ECT2: variants seen among roughly 807,000 people sequenced by gnomAD.
The protein encoded by ECT2 is epithelial cell transforming 2.
In ECT2, 61 loss-of-function variants were observed where a neutral mutation model predicts 116.9. The observed-to-expected ratio is 0.52, with a 90% CI of 0.42 to 0.65. The LOEUF (loss-of-function observed/expected upper bound fraction) is 0.65, where lower values mean the gene tolerates loss of function less well. Ranked by LOEUF, ECT2 falls within the 30% of genes least tolerant of loss-of-function variation. ECT2 has a pLI of 0.00. For synonymous variants in ECT2, 358 were observed against 346.4 expected (o/e 1.03, Z -0.37); for missense variants, 937 against 1,078.7 (o/e 0.87, Z 1.84).
chr3:172,814,293 A>C (rs748826048), intron 22 of ECT2, among the ~76,000 whole-genome samples: 6 of 152,032 alleles, frequency 3.9e-5, no homozygotes, highest in Non-Finnish European at 7.4e-5. Flanking sequence ...TTTCATTTCA[A>C]AGTACTTCTA....
chr3:172,804,492 G>A (rs1727316209), intron 20 of ECT2, among the ~76,000 whole-genome samples: 1 of 152,132 alleles, frequency 6.6e-6, no homozygotes, highest in Non-Finnish European at 1.5e-5. Context: ...AGCCTGCCCT[G>A]ATTGAGAACA....
intron 15 of ECT2, among the ~76,000 whole-genome samples, chr3:172,782,651 T>A (rs753115535): frequency 7.9e-5 from 12 of 152,222 alleles, no homozygotes; most frequent in Non-Finnish European, 1.6e-4. Flanking sequence ...TTAAGCCTGG[T>A]ACCTATTAGT....
intron 9 of ECT2, 64 bp from the exon 10 acceptor site, chr3:172,762,627 T>TA: frequency 6.3e-7 from 1 of 1,579,314 alleles, no homozygotes; most frequent in Non-Finnish European, 8.6e-7. Context: ...ATATACCTCT[T>TA]AAAAAATTTG....
At chr3:172,824,455 G>A (rs536720378), downstream of ECT2, among the ~76,000 whole-genome samples, 1 of 152,252 alleles carries the variant, frequency 6.6e-6, no homozygotes, top group South Asian at 2.1e-4. Flanking sequence ...TATGAGAACA[G>A]CACCAGGGGG....
intron 18 of ECT2, among the ~76,000 whole-genome samples, chr3:172,789,177 G>T (rs1386600758): frequency 6.6e-6 from 1 of 151,474 alleles, no homozygotes; most frequent in African/African-American, 2.4e-5. Context: ...GTTGCTGAAG[G>T]CTGGGATGGC....
At chr3:172,769,295 G>C in intron 13 of ECT2, 152 bp downstream of exon 13, 1 of 709,680 alleles carries the variant, frequency 1.4e-6, no homozygotes, top group South Asian at 2.3e-5. Flanking sequence ...ACTGCTGTTA[G>C]GGAAATGTCA....
chr3:172,784,316 G>A (rs955947129), intron 16 of ECT2, among the ~76,000 whole-genome samples: 4 of 151,952 alleles, frequency 2.6e-5, no homozygotes, highest in Non-Finnish European at 4.4e-5. Flanking sequence ...ATGTATTTTA[G>A]TTCTCAAAAC....
intron 23 of ECT2, 34 bp from the exon 24 acceptor site, chr3:172,816,657 G>C: frequency 6.5e-7 from 1 of 1,542,482 alleles, no homozygotes; most frequent in Non-Finnish European, 8.8e-7. Context: ...TATTGAATTT[G>C]TCTAGGTTTA....
downstream of ECT2, among the ~76,000 whole-genome samples, chr3:172,825,185 TG>T (rs1007840808): frequency 6.6e-5 from 10 of 152,152 alleles, no homozygotes; most frequent in African/African-American, 2.4e-4. Context: ...GTAATTGTTC[TG>T]GGGCACCACA....
chr3:172,786,583 A>G lies in ECT2; in HGVS notation c.1907+9A>G, dbSNP rs867842769. 1.9e-6 allele frequency: 3 copies of G among 1,562,908 alleles called. No homozygotes were observed. In the Middle Eastern group the frequency reaches 5.1e-4, roughly 264 times the overall value. On this transcript the variant is annotated intron_variant, in intron 18 of 24. Transcript: ENST00000392692. The stretch of plus-strand genomic sequence containing the variant: ...CTGAAGGAAGTAATGACGTAAGTGC[A>G]TTATTTTCAATTTTTGATTGTGCCT...
chr3:172,818,193 C>A (rs751914514), intron 24 of ECT2: 17 of 152,914 alleles, frequency 1.1e-4, no homozygotes, highest in Non-Finnish European at 2.2e-4. Context: ...ATGGCTAAAT[C>A]TATTAGTGTA....
At position 172,752,501 on chromosome 3, in the gene ECT2, T is replaced by C. The variant is rs1199007802; in HGVS notation, c.-23+1644T>C. On this transcript the variant is annotated intron_variant, in intron 1 of 24. Transcript: ENST00000392692. ...AGCTCATCTCCTGACTTTTTTTTTT[T>C]TTTAAACATTCTTTTAAGGGGACTT... The C allele has an allele frequency of 2.0e-5, 3 of 152,132 alleles. No homozygotes were observed. The East Asian group carries it at 5.8e-4, about 29-fold the overall frequency. The allele number at this position is 152,132 out of a possible 1,614,324, so 9.4% of individuals were successfully genotyped here.
intron 12 of ECT2, among the ~76,000 whole-genome samples, chr3:172,765,175 G>C (rs1028552817): frequency 1.3e-5 from 2 of 152,100 alleles, no homozygotes; most frequent in Non-Finnish European, 2.9e-5. Context: ...CAACTGATCT[G>C]CAGTCCTTGT....
intron 13 of ECT2, among the ~76,000 whole-genome samples, chr3:172,773,089 T>G (rs1273677182): frequency 6.6e-6 from 1 of 152,178 alleles, no homozygotes; most frequent in Non-Finnish European, 1.5e-5. Context: ...GCCCTGGAAC[T>G]TTGATTGGCA....
In ECT2 at chr3:172,756,992, G is replaced by A. The variant is rs912345208; in HGVS notation, c.313G>A (p.Val105Met). Residue 105 changes from valine to methionine, a missense_variant, in exon 5 of 25, where the codon GTG becomes ATG. Physicochemically the swap from Val to Met is conservative, Grantham distance 21 (BLOSUM62 1). Transcript: ENST00000392692. ...ACTATATGATGAAAAGGACATTAAAGTGGGCTTTGTAAAGATGGAGTCAGT... is the reference window on the plus strand; with the variant it reads ...ACTATATGATGAAAAGGACATTAAAATGGGCTTTGTAAAGATGGAGTCAGT... ...IKSVINMDIK[V>M]GFVKMESVEE... 1 of 1,602,994 alleles carries A rather than the reference G, an allele frequency of 6.2e-7. No individual in the cohort carries two copies. The highest frequency in any genetic ancestry group is 1.3e-5 in the African/African-American group (1 of 74,348).
intron 22 of ECT2, among the ~76,000 whole-genome samples, chr3:172,814,578 G>A (rs1023078270): frequency 2.0e-5 from 3 of 151,958 alleles, no homozygotes; most frequent in Non-Finnish European, 4.4e-5. Flanking sequence ...ACCATAATTT[G>A]GGCAAGTAAT....
chr3:172,811,055 G>C (rs991658332), intron 22 of ECT2, among the ~76,000 whole-genome samples: 3 of 152,030 alleles, frequency 2.0e-5, no homozygotes, highest in Non-Finnish European at 4.4e-5. Flanking sequence ...AAGTCCAGCA[G>C]AACTTAAAAG....
intron 18 of ECT2, among the ~76,000 whole-genome samples, chr3:172,793,148 T>C (rs1380648428): frequency 6.6e-6 from 1 of 152,144 alleles, no homozygotes; most frequent in Non-Finnish European, 1.5e-5. Context: ...GTCAGTGATT[T>C]CATTTTTTAT....
chr3:172,806,831 C>T (rs896778583), intron 21 of ECT2, among the ~76,000 whole-genome samples: 12 of 151,462 alleles, frequency 7.9e-5, no homozygotes, highest in Non-Finnish European at 1.5e-4. Context: ...TTAGTAGAGA[C>T]GGGGTTTCAC....
Sources: gnomAD v4.1 joint callset for allele counts (sites outside exome capture counted in the v4.1 genomes callset) on GRCh38, gnomAD v4.1.1 for gene constraint, MANE v1.5 for transcripts, NCBI Gene and HGNC (gene_info 2026-07-23, HGNC 2026-07-21) for gene names.